The following DLG2 variants were observed in gnomAD, a reference collection of about 807,000 sequenced individuals.
DLG2 encodes the protein disks large homolog 2.
A neutral mutation model predicts 132.5 loss-of-function variants in DLG2; 45 were observed. The observed-to-expected ratio is 0.34, with a 90% CI of 0.27 to 0.44. The LOEUF is 0.44. Ranked by LOEUF, DLG2 falls within the 20% of genes least tolerant of loss-of-function variation. DLG2 has a pLI of 1.00. For synonymous variants in DLG2, 424 were observed against 419.6 expected (o/e 1.01, Z -0.13); for missense variants, 1,045 against 1,196.9 (o/e 0.87, Z 1.87).
intron 3 of DLG2, among the ~76,000 whole-genome samples, chr11:85,374,936 C>G (rs554054894): frequency 6.6e-6 from 1 of 152,034 alleles, no homozygotes; most frequent in Non-Finnish European, 1.5e-5. Flanking sequence ...TGTTACGATA[C>G]TTGCAATTTA....
In DLG2 at chr11:84,151,638, A is replaced by G. The variant is rs554729019; in HGVS notation, c.624+11823T>C. Among the ~76,000 whole-genome samples the G allele has an allele frequency of 4.9e-4, 75 of 152,198 alleles. 1 individual carries two copies. In the South Asian group the frequency reaches 0.014, roughly 29 times the overall value. Reference sequence around the variant, plus strand: ...CTAGATCCTCTAGGCGTAATGTTAGATTGTTAATGTGAGATCTTTCTAACT... The same window carrying G: ...CTAGATCCTCTAGGCGTAATGTTAGGTTGTTAATGTGAGATCTTTCTAACT... On this transcript the variant is annotated intron_variant, in intron 9 of 27. Transcript: ENST00000376104.
chr11:84,463,148 G>A (rs976823203), intron 7 of DLG2, among the ~76,000 whole-genome samples: 2 of 151,168 alleles, frequency 1.3e-5, no homozygotes, highest in East Asian at 3.9e-4. Context: ...GTCACGCCAA[G>A]GAGTAGAGCC....
At chr11:85,578,680 G>C (rs936771860) in intron 3 of DLG2, among the ~76,000 whole-genome samples, 1 of 152,128 alleles carries the variant, frequency 6.6e-6, no homozygotes, top group Non-Finnish European at 1.5e-5. Flanking sequence ...ACTACAATGA[G>C]ATACCACCTC....
chr11:84,628,855 T>C (rs573949178), intron 6 of DLG2, among the ~76,000 whole-genome samples: 1 of 152,314 alleles, frequency 6.6e-6, no homozygotes, highest in Non-Finnish European at 1.5e-5. Flanking sequence ...GTTCAATGAA[T>C]AGTTGGTGAT....
intron 6 of DLG2, among the ~76,000 whole-genome samples, chr11:84,656,227 T>C (rs1243983290): frequency 1.3e-5 from 2 of 152,112 alleles, no homozygotes; most frequent in African/African-American, 4.8e-5. Flanking sequence ...CAGTAGCAAA[T>C]AAACTCTTCC....
At chr11:84,903,613 T>A (rs775150178) in intron 6 of DLG2, among the ~76,000 whole-genome samples, 11 of 152,204 alleles carry the variant, frequency 7.2e-5, no homozygotes, top group Non-Finnish European at 1.0e-4. Flanking sequence ...ATTTCATAGA[T>A]GTTTCAAAAA....
chr11:84,698,246 T>G (rs1235697117), intron 6 of DLG2, among the ~76,000 whole-genome samples: 2 of 151,588 alleles, frequency 1.3e-5, no homozygotes, highest in South Asian at 4.1e-4. Context: ...AACTTTAAAT[T>G]CATAGTGTTT....
At chr11:83,568,727 A>G (rs1410668543) in intron 19 of DLG2, among the ~76,000 whole-genome samples, 1 of 152,190 alleles carries the variant, frequency 6.6e-6, no homozygotes, top group Non-Finnish European at 1.5e-5. Context: ...CAGATGATAC[A>G]GGAGTCCAAG....
intron 7 of DLG2, among the ~76,000 whole-genome samples, chr11:84,375,125 C>T (rs1012755033): frequency 2.0e-5 from 3 of 152,142 alleles, no homozygotes; most frequent in Non-Finnish European, 2.9e-5. Context: ...TTTCAAATTA[C>T]CCACAGCACA....
At chr11:84,549,920 A>AT (rs1176342128) in intron 6 of DLG2, among the ~76,000 whole-genome samples, 9 of 151,736 alleles carry the variant, frequency 5.9e-5, no homozygotes, top group East Asian at 1.9e-4. Context: ...CGCCTGGATA[A>AT]TTTTTTGTAT....
At chr11:85,612,851 TCAGA>T (rs767825580) in intron 2 of DLG2, among the ~76,000 whole-genome samples, 12 of 152,262 alleles carry the variant, frequency 7.9e-5, no homozygotes, top group East Asian at 5.8e-4. Context: ...ACAGGAATTC[TCAGA>T]CAGTTTGCAA....
At chr11:83,840,946 TTG>T (rs1180211036) in intron 16 of DLG2, among the ~76,000 whole-genome samples, 1 of 152,212 alleles carries the variant, frequency 6.6e-6, no homozygotes, top group Non-Finnish European at 1.5e-5. Flanking sequence ...TGTTTCCCGT[TTG>T]TCTTTTTTTT....
intron 6 of DLG2, among the ~76,000 whole-genome samples, chr11:85,054,328 T>C (rs147763481): frequency 6.6e-6 from 1 of 151,502 alleles, no homozygotes; most frequent in East Asian, 1.9e-4. Context: ...AAATACTATC[T>C]CATACCAGTC....
chr11:85,232,419 T>A (rs2075350600), intron 4 of DLG2, among the ~76,000 whole-genome samples: 1 of 151,860 alleles, frequency 6.6e-6, no homozygotes, highest in African/African-American at 2.4e-5. Flanking sequence ...TATTGAACCA[T>A]CAGAAAAATC....
At chr11:83,548,168 G>A (rs2096286091) in intron 19 of DLG2, among the ~76,000 whole-genome samples, 1 of 152,110 alleles carries the variant, frequency 6.6e-6, no homozygotes, top group African/African-American at 2.4e-5. Flanking sequence ...ATCTTTGGGG[G>A]CCAGAGGGCA....
At chr11:83,597,073 T>C (rs1190892280) in intron 19 of DLG2, among the ~76,000 whole-genome samples, 1 of 152,200 alleles carries the variant, frequency 6.6e-6, no homozygotes, top group East Asian at 1.9e-4. Flanking sequence ...TCAGAATAAC[T>C]GGGGTTAGTT....
At chr11:84,018,474 G>T (rs1489783713) in intron 11 of DLG2, among the ~76,000 whole-genome samples, 1 of 151,822 alleles carries the variant, frequency 6.6e-6, no homozygotes, top group Non-Finnish European at 1.5e-5. Flanking sequence ...AATTATTCCA[G>T]ATAATAAATA....
chr11:84,875,533 T>C (rs921950667), intron 6 of DLG2, among the ~76,000 whole-genome samples: 3 of 151,924 alleles, frequency 2.0e-5, no homozygotes, highest in African/African-American at 4.8e-5. Context: ...TGATTCTTCA[T>C]CAACTATGTA....
rs182669263 is a variant in DLG2 at position 84,479,037 on chromosome 11, C to T, written c.519+55533G>A. Among the ~76,000 whole-genome samples, 18 of 152,164 alleles carry T rather than the reference C, an allele frequency of 1.2e-4. No individual in the cohort carries two copies. The East Asian group carries it at 3.3e-3, about 28-fold the overall frequency. On this transcript the variant is annotated intron_variant, in intron 7 of 27. Coordinates refer to ENST00000376104, the MANE Select transcript of DLG2 (RefSeq NM_001142699.3). Reference sequence around the variant, plus strand: ...ATTCTAAGAAATAAGAACCATGGTACATAAAATGACAATCTTGCTGGAAAA... The same window carrying T: ...ATTCTAAGAAATAAGAACCATGGTATATAAAATGACAATCTTGCTGGAAAA...
Sources: gnomAD v4.1 joint callset for allele counts (sites outside exome capture counted in the v4.1 genomes callset) on GRCh38, gnomAD v4.1.1 for gene constraint, MANE v1.5 for transcripts, NCBI Gene and HGNC (gene_info 2026-07-23, HGNC 2026-07-21) for gene names.